The following RAI14 variants were observed in gnomAD, a reference collection of about 807,000 sequenced individuals.
The protein encoded by RAI14 is ankycorbin.
RAI14 carries 45 observed loss-of-function variants against 115.4 expected under a neutral mutation model. The observed-to-expected ratio is 0.39, with a 90% CI of 0.31 to 0.50. RAI14 has a LOEUF of 0.50. Among genes scored for constraint, RAI14 ranks in the 20% least tolerant of loss-of-function variants. The pLI is 0.85. For synonymous variants in RAI14, 371 were observed against 415.4 expected (o/e 0.89, Z 1.30); for missense variants, 939 against 1,131.2 (o/e 0.83, Z 2.44).
At chr5:34,658,273 A>G (rs1162826851) in intron 1 of RAI14, among the ~76,000 whole-genome samples, 1 of 152,162 alleles carries the variant, frequency 6.6e-6, no homozygotes, top group African/African-American at 2.4e-5. Context: ...TGTCCCGCCC[A>G]CCAGTAGTGA....
chr5:34,673,298 A>G (rs1279318327), intron 1 of RAI14, among the ~76,000 whole-genome samples: 1 of 152,120 alleles, frequency 6.6e-6, no homozygotes, highest in Non-Finnish European at 1.5e-5. Flanking sequence ...AGGACTTATG[A>G]GGTGAGGCTG....
intron 3 of RAI14, among the ~76,000 whole-genome samples, chr5:34,758,310 T>TGAGA (rs1748166915): frequency 6.6e-6 from 1 of 152,200 alleles, no homozygotes; most frequent in Admixed American, 6.5e-5. Flanking sequence ...TTGGGTGCCC[T>TGAGA]CAGAAGCAGG....
intron 3 of RAI14, among the ~76,000 whole-genome samples, chr5:34,762,710 T>C (rs1270669996): frequency 6.6e-6 from 1 of 152,126 alleles, no homozygotes; most frequent in Non-Finnish European, 1.5e-5. Context: ...CTTTCCATGG[T>C]GGATGTGAGG....
chr5:34,819,992 C>G (rs1037097559), intron 13 of RAI14, among the ~76,000 whole-genome samples: 10 of 152,166 alleles, frequency 6.6e-5, no homozygotes, highest in Non-Finnish European at 1.5e-4. Context: ...AAACCATTCA[C>G]TGTATCTTAG....
chr5:34,719,192 G>A (rs1053297493), intron 2 of RAI14, among the ~76,000 whole-genome samples: 1 of 152,194 alleles, frequency 6.6e-6, no homozygotes, highest in Non-Finnish European at 1.5e-5. Flanking sequence ...AGCATCTGAC[G>A]GATAATGCTG....
At chr5:34,706,093 GTTTT>G (rs1740671651) in intron 2 of RAI14, among the ~76,000 whole-genome samples, 1 of 152,016 alleles carries the variant, frequency 6.6e-6, no homozygotes, top group South Asian at 2.1e-4. Flanking sequence ...GACTTTCTGT[GTTTT>G]TTTTCTGTGA....
At position 34,791,822 on chromosome 5, in the gene RAI14, C is replaced by T. The variant is rs922693459; in HGVS notation, c.168-4117C>T. 6.6e-6 allele frequency among the ~76,000 whole-genome samples: 1 copy of T among 152,198 alleles called. No individual in the cohort carries two copies. The highest frequency in any genetic ancestry group is 2.4e-5 in the African/African-American group (1 of 41,446). The stretch of plus-strand genomic sequence containing the variant: ...GCTGCAGCTGTGGCTGTGGGAGAGC[C>T]GGCCTGCAAAGCTGTGGCCTTCACA... On this transcript the variant is annotated intron_variant, in intron 3 of 17. Coordinates refer to ENST00000265109, the MANE Select transcript of RAI14 (RefSeq NM_015577.3). This position sits in a 1 kb window ranked among gnomAD's most constrained non-coding sequence, Gnocchi z 5.4.
At chr5:34,825,573 C>CT (rs1757351040) in intron 15 of RAI14, among the ~76,000 whole-genome samples, 2 of 152,114 alleles carry the variant, frequency 1.3e-5, no homozygotes, top group South Asian at 4.1e-4. Flanking sequence ...CCGGTCCCTC[C>CT]TTTGACAGGT....
intron 3 of RAI14, among the ~76,000 whole-genome samples, chr5:34,760,159 G>A (rs990549722): frequency 4.6e-5 from 7 of 151,982 alleles, no homozygotes; most frequent in Non-Finnish European, 8.8e-5. Flanking sequence ...AGCTATTCTC[G>A]TGCCTCAGCC....
intron 1 of RAI14, among the ~76,000 whole-genome samples, chr5:34,676,403 A>G (rs1194453597): frequency 6.6e-6 from 1 of 152,216 alleles, no homozygotes; most frequent in Non-Finnish European, 1.5e-5. Flanking sequence ...CTTAAAAATA[A>G]CCTCGATTTA....
At chr5:34,740,423 C>T (rs1745363694) in intron 2 of RAI14, among the ~76,000 whole-genome samples, 2 of 152,262 alleles carry the variant, frequency 1.3e-5, no homozygotes, top group East Asian at 3.9e-4. Flanking sequence ...AGTTAAATCA[C>T]AAAACTCTAA....
At chr5:34,776,480 C>T (rs1750850043) in intron 3 of RAI14, among the ~76,000 whole-genome samples, 1 of 151,830 alleles carries the variant, frequency 6.6e-6, no homozygotes, top group Non-Finnish European at 1.5e-5. Context: ...CCCCATTTAC[C>T]CTGATGTGAT....
intron 2 of RAI14, among the ~76,000 whole-genome samples, chr5:34,717,440 C>T (rs1225467676): frequency 1.3e-5 from 2 of 152,156 alleles, no homozygotes; most frequent in Non-Finnish European, 2.9e-5. Context: ...AGTTGTTTGA[C>T]CCTAACCGAC....
chr5:34,657,317 G>C (rs942761937), intron 1 of RAI14: 7 of 152,100 alleles, frequency 4.6e-5, no homozygotes, highest in African/African-American at 1.7e-4. Context: ...TAGTTTCTGC[G>C]GTTTGCAGGG....
intron 2 of RAI14, among the ~76,000 whole-genome samples, chr5:34,697,085 T>C (rs1212537594): frequency 6.7e-6 from 1 of 149,328 alleles, no homozygotes; most frequent in Non-Finnish European, 1.5e-5. Flanking sequence ...GAGCTGAGAT[T>C]GTGCCACTGC....
intron 2 of RAI14, chr5:34,728,707 T>G (rs1743797279): frequency 6.6e-6 from 1 of 151,908 alleles, no homozygotes; most frequent in Admixed American, 6.6e-5. Flanking sequence ...CAGTCGTGGG[T>G]ATATCTTTAT....
At chr5:34,658,450 C>T (rs1488188946) in intron 1 of RAI14, among the ~76,000 whole-genome samples, 1 of 152,026 alleles carries the variant, frequency 6.6e-6, no homozygotes, top group East Asian at 1.9e-4. Context: ...GCCTCTCCTT[C>T]CTCCACCCCC....
At chr5:34,781,067 G>A (rs1021961980) in intron 3 of RAI14, among the ~76,000 whole-genome samples, 3 of 152,072 alleles carry the variant, frequency 2.0e-5, no homozygotes, top group Non-Finnish European at 4.4e-5. Flanking sequence ...CATGTCCTTT[G>A]TAGGGACATG....
intron 3 of RAI14, among the ~76,000 whole-genome samples, chr5:34,778,730 C>T (rs575436597): frequency 1.0e-4 from 15 of 148,320 alleles, no homozygotes; most frequent in Admixed American, 2.0e-4. Flanking sequence ...AGTGAGACCC[C>T]GTTTCTGTGA....
Sources: allele counts gnomAD v4.1 joint callset (sites outside exome capture counted in the v4.1 genomes callset), GRCh38; gene constraint gnomAD v4.1.1; non-coding constraint Gnocchi (gnomAD v3.1); transcripts MANE v1.5; gene names NCBI Gene and HGNC (gene_info 2026-07-23, HGNC 2026-07-21).